The following ZNF207 variants were observed in gnomAD, a reference collection of about 807,000 sequenced individuals.
The protein encoded by ZNF207 is BUB3-interacting and GLEBS motif-containing protein ZNF207.
Under a neutral mutation model 60.2 loss-of-function variants are expected in ZNF207, and 24 were observed. The ratio of observed to expected loss-of-function variants is 0.40; its 90% confidence interval spans 0.29 to 0.56. The LOEUF (loss-of-function observed/expected upper bound fraction) is 0.56, where lower values mean the gene tolerates loss of function less well. Ranked by LOEUF, ZNF207 falls within the 20% of genes least tolerant of loss-of-function variation. The pLI, the probability that ZNF207 is intolerant of heterozygous loss-of-function variation, is 0.49. For missense variants in ZNF207, 452 were observed against 636.6 expected, an observed-to-expected ratio of 0.71 and a Z score of 3.12; for synonymous variants, 236 against 194.7, an observed-to-expected ratio of 1.21 and a Z score of -1.77.
At position 32,376,815 on chromosome 17, in the gene ZNF207, G is replaced by A. The variant is rs1905691219; in HGVS notation, c.*7056G>A. Reference sequence around the variant, plus strand: ...GTACATGTGAGTAAACTGTCTTAATGGTTGATTACTTGGAACCCACCCATT... The same window carrying A: ...GTACATGTGAGTAAACTGTCTTAATAGTTGATTACTTGGAACCCACCCATT... On this transcript the variant is annotated 3_prime_UTR_variant, in exon 12 of 12. Coordinates refer to ENST00000394670, the MANE Select transcript of ZNF207 (RefSeq NM_001098507.2). 1 of 152,018 alleles carries A rather than the reference G, an allele frequency of 6.6e-6. No individual in the cohort carries two copies. The highest frequency in any genetic ancestry group is 2.1e-4 in the South Asian group (1 of 4,832). The allele number at this position is 152,018 out of a possible 1,614,324, so 9.4% of individuals were successfully genotyped here.
chr17:32,368,240 G>A, intron 10 of ZNF207: 2 of 567,276 alleles, frequency 3.5e-6, no homozygotes, highest in South Asian at 2.5e-5. Flanking sequence ...CCTCCAGACT[G>A]TTTCTAAAAG....
chr17:32,350,180 CTGTGGGACG>C lies in ZNF207; in HGVS notation c.-103_-95del. On this transcript the variant is annotated 5_prime_UTR_variant, in exon 1 of 12. Coordinates refer to ENST00000394670, the MANE Select transcript of ZNF207 (RefSeq NM_001098507.2). ...CCGTCGGCCATTTTGTGTCTGCTTC[CTGTGGGACG>C]TGGTGGTAGCCGTTGGGTTGGGAAA... The C allele has an allele frequency of 6.5e-7, 1 of 1,547,776 alleles. No homozygotes were observed. The highest frequency in any genetic ancestry group is 2.3e-5 in the East Asian group (1 of 44,268).
chr17:32,380,279 C>G lies in ZNF207; in HGVS notation c.*10520C>G, dbSNP rs1905831280. The G allele has an allele frequency of 6.6e-6, 1 of 152,498 alleles. No homozygotes were observed. Among genetic ancestry groups the G allele is most frequent in the African/African-American group, 2.4e-5 (1 of 41,396 alleles). The allele number at this position is 152,498 out of a possible 1,614,324, so 9.4% of individuals were successfully genotyped here. A position where few individuals can be genotyped will look rare whatever the true frequency, so the allele number is the denominator to read the frequency against. Reference sequence around the variant, plus strand: ...ATATAAGGTAATGTTTAAAAGTGAGCAATAATTATTGCATCTCTTTTGCGA... The same window carrying G: ...ATATAAGGTAATGTTTAAAAGTGAGGAATAATTATTGCATCTCTTTTGCGA... On this transcript the variant is annotated 3_prime_UTR_variant, in exon 12 of 12. Transcript: ENST00000394670.
At chr17:32,355,118 T>G (rs934639091) in intron 2 of ZNF207, among the ~76,000 whole-genome samples, 2 of 152,172 alleles carry the variant, frequency 1.3e-5, no homozygotes, top group Non-Finnish European at 2.9e-5. Flanking sequence ...ATGGTCTGGC[T>G]AGGTGCGGTG....
At chr17:32,360,316 G>C (rs1352925725) in intron 3 of ZNF207, among the ~76,000 whole-genome samples, 2 of 151,852 alleles carry the variant, frequency 1.3e-5, no homozygotes, top group Non-Finnish European at 2.9e-5. Flanking sequence ...TGCCACTGCT[G>C]TACAGCCTGC....
chr17:32,360,935 A>G lies in ZNF207; in HGVS notation c.519A>G (p.Gly173=). Reference sequence around the variant, plus strand: ...CAGGTGTTCCTCCTCTGATGCCAGGAATGCCACCAGTTATGCCAGGCATGC... The same window carrying G: ...CAGGTGTTCCTCCTCTGATGCCAGGGATGCCACCAGTTATGCCAGGCATGC... ...LMPGVPPLMP[G]MPPVMPGMPP... is the part of the protein sequence containing the mutation. The change falls in exon 5 of 12, where the codon GGA becomes GGG. Residue 173 remains glycine (G), a synonymous_variant. Coordinates refer to ENST00000394670, the MANE Select transcript of ZNF207 (RefSeq NM_001098507.2). 1 of 1,613,842 alleles carries G rather than the reference A, an allele frequency of 6.2e-7. No homozygotes were observed. Among genetic ancestry groups the G allele is most frequent in the Non-Finnish European group, 8.5e-7 (1 of 1,180,016 alleles).
At chr17:32,354,912 C>A (rs568661580) in intron 2 of ZNF207, among the ~76,000 whole-genome samples, 7 of 152,302 alleles carry the variant, frequency 4.6e-5, no homozygotes, top group South Asian at 4.1e-4. Flanking sequence ...CTGCGCCCAG[C>A]CTGTAAGACT....
Position 32,378,909 on chromosome 17 carries a change from G to C in ZNF207, c.*9150G>C, listed in dbSNP as rs996142332. 6.6e-6 allele frequency: 1 copy of C among 152,058 alleles called. No homozygotes were observed. 9.4% of individuals were successfully genotyped at this position (152,058 alleles called of 1,614,324 possible). ...TGGCTTCTTCCTTTTCACCTTGTGTGATGTTTAATTTGAGACGATCTAGCC... is the reference window on the plus strand; with the variant it reads ...TGGCTTCTTCCTTTTCACCTTGTGTCATGTTTAATTTGAGACGATCTAGCC... On this transcript the variant is annotated 3_prime_UTR_variant, in exon 12 of 12. Coordinates refer to ENST00000394670, the MANE Select transcript of ZNF207 (RefSeq NM_001098507.2).
chr17:32,362,131 AGTGTGT>A (rs57093226), intron 6 of ZNF207, among the ~76,000 whole-genome samples: 33 of 146,022 alleles, frequency 2.3e-4, no homozygotes, highest in Admixed American at 5.5e-4. Flanking sequence ...AAAAAAAAAA[AGTGTGT>A]GTGTGTGTGT....
At position 32,373,620 on chromosome 17, in the gene ZNF207, TTGAC is replaced by T. The variant is rs990673479; in HGVS notation, c.*3864_*3867del. 1.8e-5 allele frequency: 7 copies of T among 397,474 alleles called. No individual in the cohort carries two copies. The highest frequency in any genetic ancestry group is 1.2e-4 in the African/African-American group (6 of 48,706). The allele number at this position is 397,474 out of a possible 1,614,324, so 24.6% of individuals were successfully genotyped here. Reference sequence around the variant, plus strand: ...GAAGGCTCTATATTAATATTCACGTTTGACTGTGGTGTTAATAAACATAAGTATT... The same window carrying T: ...GAAGGCTCTATATTAATATTCACGTTTGTGGTGTTAATAAACATAAGTATT... On this transcript the variant is annotated 3_prime_UTR_variant, in exon 12 of 12. Coordinates refer to ENST00000394670, the MANE Select transcript of ZNF207 (RefSeq NM_001098507.2).
chr17:32,361,527 A>G lies in ZNF207; in HGVS notation c.599+12A>G, dbSNP rs758445977. 6 of 1,597,732 alleles carry G rather than the reference A, an allele frequency of 3.8e-6. No individual in the cohort carries two copies. In the Admixed American group the frequency reaches 6.8e-5, roughly 18 times the overall value. On this transcript the variant is annotated intron_variant, in intron 6 of 11. Transcript: ENST00000394670. The stretch of plus-strand genomic sequence containing the variant: ...TGCGGTGAAAACATGTAAGCATCTC[A>G]TTCATAATGTAATTCAGGAGGTATA...
intron 2 of ZNF207, among the ~76,000 whole-genome samples, chr17:32,352,266 G>T (rs930867969): frequency 6.6e-6 from 1 of 151,998 alleles, no homozygotes; most frequent in Non-Finnish European, 1.5e-5. Context: ...CACCGCGCCT[G>T]GCCGAAAGAA....
rs1905393143 is a variant in ZNF207 at position 32,369,989 on chromosome 17, G to C, written c.*230G>C. On this transcript the variant is annotated 3_prime_UTR_variant, in exon 12 of 12. Coordinates refer to ENST00000394670, the MANE Select transcript of ZNF207 (RefSeq NM_001098507.2). ...TTATACTGTATGGCTTCTTTTTCAT[G>C]TTTCATCTAGGTTTTTAGAAGTGAA... is the stretch of plus-strand genomic sequence containing the variant. 2 of 395,962 alleles carry C rather than the reference G, an allele frequency of 5.1e-6. No homozygotes were observed. The highest frequency in any genetic ancestry group is 8.4e-6 in the Non-Finnish European group (2 of 238,182). The allele number at this position is 395,962 out of a possible 1,614,324, so 24.5% of individuals were successfully genotyped here.
Position 32,358,604 on chromosome 17 carries a change from G to T in ZNF207, c.270G>T (p.Met90Ile). 1 of 1,536,256 alleles carries T rather than the reference G, an allele frequency of 6.5e-7. No individual in the cohort carries two copies. Among genetic ancestry groups the T allele is most frequent in the Middle Eastern group, 1.7e-4 (1 of 5,846 alleles). ...TGGAAGGTATTCCAGAAAAAGACAT[G>T]GATGAAAGACGACGACTTCTTGAAC... ...YGMEGIPEKD[M>I]DERRRLLEQK... Residue 90 changes from methionine to isoleucine, a missense_variant, in exon 3 of 12, where the codon ATG (methionine) becomes ATT (isoleucine). By Grantham distance (10) the Met-to-Ile change is conservative. Around this residue, in one of 2 missense-constraint regions of ZNF207, gnomAD observed 62 missense variants for 175.3 expected, o/e 0.35. Transcript: ENST00000394670.
chr17:32,366,666 T>C lies in ZNF207; in HGVS notation c.830T>C (p.Met277Thr). 1 of 1,602,442 alleles carries C rather than the reference T, an allele frequency of 6.2e-7. No individual in the cohort carries two copies. The highest frequency in any genetic ancestry group is 8.5e-7 in the Non-Finnish European group (1 of 1,176,184). ...TGTTTCCTTTCTTTTATGCTACAGA[T>C]GGGGACACCTGTCACAAGCTCAAGT... The part of the protein sequence containing the change: ...TKPLFPSAGQ[M>T]GTPVTSSSTA... The change falls in exon 9 of 12, where the codon ATG becomes ACG. Residue 277 changes from methionine to threonine, a missense_variant and splice_region_variant. Physicochemically the swap from Met to Thr is moderately conservative, Grantham distance 81. Around this residue, in one of 2 missense-constraint regions of ZNF207, gnomAD observed 390 missense variants for 461.4 expected, o/e 0.85. Transcript: ENST00000394670.
rs1473464273 is a variant in ZNF207 at position 32,370,284 on chromosome 17, C to T, written c.*525C>T. On this transcript the variant is annotated 3_prime_UTR_variant, in exon 12 of 12. Coordinates refer to ENST00000394670, the MANE Select transcript of ZNF207 (RefSeq NM_001098507.2). Reference sequence around the variant, plus strand: ...GCAGGGTTTAAGAAATCTGACCCACCAAGGTCATGTGACTTTTCTGTACTG... The same window carrying T: ...GCAGGGTTTAAGAAATCTGACCCACTAAGGTCATGTGACTTTTCTGTACTG... 1.3e-5 allele frequency: 2 copies of T among 152,638 alleles called. No homozygotes were observed. The highest frequency in any genetic ancestry group is 4.8e-5 in the African/African-American group (2 of 41,436). 9.5% of individuals were successfully genotyped at this position (152,638 alleles called of 1,614,324 possible).
In ZNF207 at chr17:32,369,583, A is replaced by C; in HGVS notation, c.1325-16A>C. 6.4e-7 allele frequency: 1 copy of C among 1,560,908 alleles called. No individual in the cohort carries two copies. Among genetic ancestry groups the C allele is most frequent in the Non-Finnish European group, 8.7e-7 (1 of 1,152,298 alleles). ...TTAACAATCTATTTTTTTGTGTTTG[A>C]AATTCTTGATTTTAGGTCAGTATGG... On this transcript the variant is annotated splice_polypyrimidine_tract_variant and intron_variant, in intron 11 of 11. Transcript: ENST00000394670.
At chr17:32,368,370 T>A (rs1046762876) in intron 10 of ZNF207, 18 of 205,156 alleles carry the variant, frequency 8.8e-5, no homozygotes, top group Admixed American at 8.8e-4. Context: ...TTAAGTCCCA[T>A]ATAAATGAAT....
Position 32,378,179 on chromosome 17 carries a change from G to A in ZNF207, c.*8420G>A, listed in dbSNP as rs1905744176. The A allele has an allele frequency of 6.6e-6, 1 of 152,048 alleles. No homozygotes were observed. 9.4% of individuals were successfully genotyped at this position (152,048 alleles called of 1,614,324 possible). ...CCAGTTGTAATAAAGGTGTAATACT[G>A]CTCCTTTGTTATCTCCTTGTGGTTC... On this transcript the variant is annotated 3_prime_UTR_variant, in exon 12 of 12. Transcript: ENST00000394670.
Sources: gnomAD v4.1 joint callset for allele counts (sites outside exome capture counted in the v4.1 genomes callset) on GRCh38, gnomAD v4.1.1 for gene constraint, gnomAD v4.1.1 regional missense constraint, MANE v1.5 for transcripts, NCBI Gene and HGNC (gene_info 2026-07-23, HGNC 2026-07-21) for gene names.